AGPAT1: variants seen among roughly 807,000 people sequenced by gnomAD.
AGPAT1 encodes the protein 1-acylglycerol-3-phosphate O-acyltransferase 1, also known as 1-acyl-sn-glycerol-3-phosphate acyltransferase alpha.
In AGPAT1, 6 loss-of-function variants were observed where a neutral mutation model predicts 31.2. The ratio of observed to expected loss-of-function variants is 0.19; its 90% CI spans 0.11 to 0.38. The LOEUF (loss-of-function observed/expected upper bound fraction) is 0.38. Among genes scored for constraint, AGPAT1 ranks in the 10% least tolerant of loss-of-function variants. The pLI, the probability that AGPAT1 is intolerant of heterozygous loss-of-function variation, is 1.00. For missense variants in AGPAT1, 187 were observed against 377.8 expected, an observed-to-expected ratio of 0.49 and a Z score of 4.19; for synonymous variants, 139 against 154.0, an observed-to-expected ratio of 0.90 and a Z score of 0.72.
At chr6:32,176,228 G>C, upstream of AGPAT1, 1 of 871,914 alleles carries the variant, frequency 1.1e-6, no homozygotes, top group Non-Finnish European at 1.4e-6. Flanking sequence ...CCTCTTGCGA[G>C]CCCCGCCCCA....
rs891769353 is a variant in AGPAT1, at chr6:32,168,360, G to A, written c.*916C>T. ...AGGTCTGGAGTGAGAGGCAGGGAGT[G>A]GCTAATGCCACCAGGAAGAAATGAA... On this transcript the variant is annotated 3_prime_UTR_variant, in exon 7 of 7. Coordinates refer to ENST00000375107, the MANE Select transcript of AGPAT1 (RefSeq NM_006411.4). This position sits in a 1 kb window ranked among gnomAD's most constrained non-coding sequence, Gnocchi z 4.5. 1 of 189,932 alleles carries A rather than the reference G, an allele frequency of 5.3e-6. No homozygotes were observed. The highest frequency in any genetic ancestry group is 1.1e-5 in the Non-Finnish European group (1 of 93,060). 11.8% of individuals were successfully genotyped at this position (189,932 alleles called of 1,614,324 possible). A position where few individuals can be genotyped will look rare whatever the true frequency, so the allele number is the denominator to read the frequency against.
rs961717887 is a variant in AGPAT1, at chr6:32,172,694, A to G, written c.-9-1189T>C. On this transcript the variant is annotated intron_variant, in intron 1 of 6. Coordinates refer to ENST00000375107, the MANE Select transcript of AGPAT1 (RefSeq NM_006411.4). This position sits in a 1 kb window ranked among gnomAD's most constrained non-coding sequence, Gnocchi z 4.3. ...GCATATATATATACGAACACAGCAC[A>G]CAGCATATATGGTGATTGTGACAGA... is the stretch of plus-strand genomic sequence containing the variant. Among the ~76,000 whole-genome samples, 2 of 152,184 alleles carry G rather than the reference A, an allele frequency of 1.3e-5. No individual in the cohort carries two copies. The highest frequency in any genetic ancestry group is 2.9e-5 in the Non-Finnish European group (2 of 68,032).
Position 32,171,648 on chromosome 6 carries a change from T to A in AGPAT1, c.-9-143A>T. On this transcript the variant is annotated intron_variant, in intron 1 of 6. Transcript: ENST00000375107. The surrounding 1 kb of genome is among the most constrained non-coding windows in gnomAD (Gnocchi z 6.9). Reference sequence around the variant, plus strand: ...CTGGGGCAGGGGTCTCATTGAAACCTTCCCAGGAAGGCTCTCTAGGATGAG... The same window carrying A: ...CTGGGGCAGGGGTCTCATTGAAACCATCCCAGGAAGGCTCTCTAGGATGAG... 8.8e-7 allele frequency: 1 copy of A among 1,142,356 alleles called. No homozygotes were observed. Among genetic ancestry groups the A allele is most frequent in the Non-Finnish European group, 1.2e-6 (1 of 816,526 alleles). 70.8% of individuals were successfully genotyped at this position (1,142,356 alleles called of 1,614,324 possible).
chr6:32,169,088 T>G lies in AGPAT1; in HGVS notation c.*188A>C. Reference sequence around the variant, plus strand: ...CTGCACCGAGGCAAGAGTCCATGGATGGGGCCAAGAGGGGGCAGGAGTGGC... The same window carrying G: ...CTGCACCGAGGCAAGAGTCCATGGAGGGGGCCAAGAGGGGGCAGGAGTGGC... On this transcript the variant is annotated 3_prime_UTR_variant, in exon 7 of 7. Transcript: ENST00000375107. This position sits in a 1 kb window ranked among gnomAD's most constrained non-coding sequence, Gnocchi z 5.9. 3.1e-6 allele frequency: 2 copies of G among 638,980 alleles called. No individual in the cohort carries two copies. The highest frequency in any genetic ancestry group is 5.3e-6 in the Non-Finnish European group (2 of 374,888). 39.6% of individuals were successfully genotyped at this position (638,980 alleles called of 1,614,324 possible).
chr6:32,170,342 G>T lies in AGPAT1; in HGVS notation c.511-82C>A. 6.2e-7 allele frequency: 1 copy of T among 1,604,916 alleles called. No homozygotes were observed. The highest frequency in any genetic ancestry group is 8.5e-7 in the Non-Finnish European group (1 of 1,172,196). ...GTGATGTTATAATGGGACCTTTGAG[G>T]CCCACTGGCCCTGCATATCAGTTTA... is the stretch of plus-strand genomic sequence containing the variant. On this transcript the variant is annotated intron_variant, in intron 4 of 6. Transcript: ENST00000375107. The surrounding 1 kb of genome is among the most constrained non-coding windows in gnomAD (Gnocchi z 7.7).
chr6:32,170,643 A>G lies in AGPAT1; in HGVS notation c.335-43T>C. The G allele has an allele frequency of 6.2e-7, 1 of 1,600,386 alleles. No individual in the cohort carries two copies. The highest frequency in any genetic ancestry group is 8.5e-7 in the Non-Finnish European group (1 of 1,176,930). ...TGGGTGAGGATCGGGGTGGAGGCAG[A>G]GTGTCACAGAAGGCAACCCACCTCA... On this transcript the variant is annotated intron_variant, in intron 3 of 6. Transcript: ENST00000375107. This position sits in a 1 kb window ranked among gnomAD's most constrained non-coding sequence, Gnocchi z 7.7.
Position 32,170,286 on chromosome 6 carries a change from G to A in AGPAT1, c.511-26C>T, listed in dbSNP as rs745721413. 3.1e-6 allele frequency: 5 copies of A among 1,608,890 alleles called. No individual in the cohort carries two copies. The highest frequency in any genetic ancestry group is 4.5e-5 in the East Asian group (2 of 44,748). ...CTGGGGGAGAAAGAGGGTCAAAGAA[G>A]ACAAATACATATGGAGGAGTCAGAA... On this transcript the variant is annotated intron_variant, in intron 4 of 6. Transcript: ENST00000375107. The surrounding 1 kb of genome is among the most constrained non-coding windows in gnomAD (Gnocchi z 7.7).
chr6:32,171,846 T>C lies in AGPAT1; in HGVS notation c.-9-341A>G. 4.5e-6 allele frequency: 2 copies of C among 447,380 alleles called. No individual in the cohort carries two copies. Among genetic ancestry groups the C allele is most frequent in the Non-Finnish European group, 8.1e-6 (2 of 245,732 alleles). 27.7% of individuals were successfully genotyped at this position (447,380 alleles called of 1,614,324 possible). On this transcript the variant is annotated intron_variant, in intron 1 of 6. Transcript: ENST00000375107. The surrounding 1 kb of genome is among the most constrained non-coding windows in gnomAD (Gnocchi z 6.9). ...AGCTGGTAAGGGTCTTATAATGGTC[T>C]ATACTTGTGCTGTCCGAGAAAGTAG... is the stretch of plus-strand genomic sequence containing the variant.
Position 32,169,138 on chromosome 6 carries a change from G to A in AGPAT1, c.*138C>T, listed in dbSNP as rs1784818826. On this transcript the variant is annotated 3_prime_UTR_variant, in exon 7 of 7. Coordinates refer to ENST00000375107, the MANE Select transcript of AGPAT1 (RefSeq NM_006411.4). This position sits in a 1 kb window ranked among gnomAD's most constrained non-coding sequence, Gnocchi z 5.9. ...CGCTGTATCCACATTCACTTCAGAAGTTGAAGATTCCAAAGAGGAGAATAA... is the reference window on the plus strand; with the variant it reads ...CGCTGTATCCACATTCACTTCAGAAATTGAAGATTCCAAAGAGGAGAATAA... The A allele has an allele frequency of 1.1e-6, 1 of 950,690 alleles. No homozygotes were observed. The highest frequency in any genetic ancestry group is 1.6e-5 in the South Asian group (1 of 61,826). The allele number at this position is 950,690 out of a possible 1,614,324, so 58.9% of individuals were successfully genotyped here. A position where few individuals can be genotyped will look rare whatever the true frequency, so the allele number is the denominator to read the frequency against.
Position 32,171,733 on chromosome 6 carries a change from T to C in AGPAT1, c.-9-228A>G. ...CCACTCTTCCCAAAGGCTCCGGATA[T>C]ATTCAGACAAGAGACACAAGACACA... On this transcript the variant is annotated intron_variant, in intron 1 of 6. Transcript: ENST00000375107. This position sits in a 1 kb window ranked among gnomAD's most constrained non-coding sequence, Gnocchi z 6.9. The C allele has an allele frequency of 1.7e-6, 1 of 604,094 alleles. No individual in the cohort carries two copies. Among genetic ancestry groups the C allele is most frequent in the Non-Finnish European group, 2.9e-6 (1 of 342,100 alleles). The allele number at this position is 604,094 out of a possible 1,614,324, so 37.4% of individuals were successfully genotyped here.
At chr6:32,177,163 C>G, upstream of AGPAT1, 1 of 398,610 alleles carries the variant, frequency 2.5e-6, no homozygotes, top group South Asian at 1.3e-4. Flanking sequence ...GGTCCCCCCT[C>G]TAGCCACACC....
chr6:32,169,793 T>G lies in AGPAT1; in HGVS notation c.679+173A>C. 1.5e-6 allele frequency: 1 copy of G among 655,416 alleles called. No individual in the cohort carries two copies. The highest frequency in any genetic ancestry group is 2.7e-6 in the Non-Finnish European group (1 of 375,702). The allele number at this position is 655,416 out of a possible 1,614,324, so 40.6% of individuals were successfully genotyped here. A position where few individuals can be genotyped will look rare whatever the true frequency, so the allele number is the denominator to read the frequency against. ...TCTTGGTGGGACCAAGTGCTACCCA[T>G]CTGGCAGGGTATGGTGGGTGCTTAG... On this transcript the variant is annotated intron_variant, in intron 6 of 6. Coordinates refer to ENST00000375107, the MANE Select transcript of AGPAT1 (RefSeq NM_006411.4). The surrounding 1 kb of genome is among the most constrained non-coding windows in gnomAD (Gnocchi z 5.9).
Position 32,169,495 on chromosome 6 carries a change from C to A in AGPAT1, c.680-47G>T. The A allele has an allele frequency of 6.3e-7, 1 of 1,598,442 alleles. No homozygotes were observed. On this transcript the variant is annotated intron_variant, in intron 6 of 6. Transcript: ENST00000375107. This position sits in a 1 kb window ranked among gnomAD's most constrained non-coding sequence, Gnocchi z 5.9. The stretch of plus-strand genomic sequence containing the variant: ...CATGGCCTGTCCACCCAGGTCTTTG[C>A]CCACAGGTGGGGCCCAGCTTCCGAG...
In AGPAT1 at chr6:32,169,492, T is replaced by C. The variant is rs367933331; in HGVS notation, c.680-44A>G. ...CATCATGGCCTGTCCACCCAGGTCT[T>C]TGCCCACAGGTGGGGCCCAGCTTCC... On this transcript the variant is annotated intron_variant, in intron 6 of 6. Coordinates refer to ENST00000375107, the MANE Select transcript of AGPAT1 (RefSeq NM_006411.4). This position sits in a 1 kb window ranked among gnomAD's most constrained non-coding sequence, Gnocchi z 5.9. 2,175 of 1,601,936 alleles carry C rather than the reference T, an allele frequency of 1.4e-3. 4 individuals are homozygous for C. Among genetic ancestry groups the C allele is most frequent in the Middle Eastern group, 1.7e-3 (10 of 5,814 alleles).
At position 32,175,749 on chromosome 6, in the gene AGPAT1, T is replaced by G. The variant is rs1382721322; in HGVS notation, c.-10+65A>C. 2.3e-6 allele frequency: 2 copies of G among 880,998 alleles called. No homozygotes were observed. Among genetic ancestry groups the G allele is most frequent in the Non-Finnish European group, 2.7e-6 (2 of 734,676 alleles). 54.6% of individuals were successfully genotyped at this position (880,998 alleles called of 1,614,324 possible). A position where few individuals can be genotyped will look rare whatever the true frequency, so the allele number is the denominator to read the frequency against. Reference sequence around the variant, plus strand: ...CCCTCCCAGACCCAATCTCTCCCCTTCCCCTCATCCTAGTCGCTTTCAGCA... The same window carrying G: ...CCCTCCCAGACCCAATCTCTCCCCTGCCCCTCATCCTAGTCGCTTTCAGCA... On this transcript the variant is annotated intron_variant, in intron 1 of 6. Transcript: ENST00000375107. This position sits in a 1 kb window ranked among gnomAD's most constrained non-coding sequence, Gnocchi z 4.5.
Position 32,171,166 on chromosome 6 carries a change from C to T in AGPAT1, c.201-96G>A. ...CTTACTGTCTTTCTGACCACCTTTG[C>T]AGTCCTCTCCCCATTCCCTGTCTCT... On this transcript the variant is annotated intron_variant, in intron 2 of 6. Transcript: ENST00000375107. This position sits in a 1 kb window ranked among gnomAD's most constrained non-coding sequence, Gnocchi z 6.9. 6.3e-7 allele frequency: 1 copy of T among 1,587,614 alleles called. No homozygotes were observed. The highest frequency in any genetic ancestry group is 1.1e-5 in the South Asian group (1 of 87,074).
rs866517687 is a variant in AGPAT1 at position 32,175,227 on chromosome 6, C to T, written c.-10+587G>A. Among the ~76,000 whole-genome samples, 3 of 152,108 alleles carry T rather than the reference C, an allele frequency of 2.0e-5. No individual in the cohort carries two copies. The highest frequency in any genetic ancestry group is 2.9e-5 in the Non-Finnish European group (2 of 68,012). On this transcript the variant is annotated intron_variant, in intron 1 of 6. Coordinates refer to ENST00000375107, the MANE Select transcript of AGPAT1 (RefSeq NM_006411.4). This position sits in a 1 kb window ranked among gnomAD's most constrained non-coding sequence, Gnocchi z 4.5. ...ACACAAGAATGAAGAATGGGCAATT[C>T]TGATAGAAAATAACACACCATTTCT...
Position 32,171,103 on chromosome 6 carries a change from T to C in AGPAT1, c.201-33A>G. On this transcript the variant is annotated intron_variant, in intron 2 of 6. Coordinates refer to ENST00000375107, the MANE Select transcript of AGPAT1 (RefSeq NM_006411.4). The surrounding 1 kb of genome is among the most constrained non-coding windows in gnomAD (Gnocchi z 6.9). ...GTCATGGCAAGGGGTCCCAGTGGGA[T>C]CCATTGATGTCCATCTGCATGCCTC... The C allele has an allele frequency of 1.9e-6, 3 of 1,601,538 alleles. No individual in the cohort carries two copies. The highest frequency in any genetic ancestry group is 2.6e-6 in the Non-Finnish European group (3 of 1,171,576).
Position 32,171,551 on chromosome 6 carries a change from G to T in AGPAT1, c.-9-46C>A. 2.0e-6 allele frequency: 3 copies of T among 1,537,094 alleles called. No homozygotes were observed. Among genetic ancestry groups the T allele is most frequent in the Non-Finnish European group, 2.6e-6 (3 of 1,146,318 alleles). On this transcript the variant is annotated intron_variant, in intron 1 of 6. Transcript: ENST00000375107. The surrounding 1 kb of genome is among the most constrained non-coding windows in gnomAD (Gnocchi z 6.9). ...GACAATCAGCCTGGTTTCTGGAGGA[G>T]AGTGGGGTAGGCAAGGCACAGAAGG...
Sources: gnomAD v4.1 joint callset for allele counts (sites outside exome capture counted in the v4.1 genomes callset) on GRCh38, gnomAD v4.1.1 for gene constraint, Gnocchi (gnomAD v3.1) non-coding constraint, MANE v1.5 for transcripts, NCBI Gene and HGNC (gene_info 2026-07-23, HGNC 2026-07-21) for gene names.